The following MALRD1 variants were observed in gnomAD, a reference collection of about 807,000 sequenced individuals.
The protein encoded by MALRD1 is MAM and LDL receptor class A domain containing 1.
MALRD1 carries 247 observed loss-of-function variants against 242.1 expected under a neutral mutation model. That is an observed-to-expected ratio of 1.02 (90% CI 0.92 to 1.13). The LOEUF (loss-of-function observed/expected upper bound fraction) is 1.13, where lower values mean the gene tolerates loss of function less well. Ranked by LOEUF, MALRD1 falls within the 50% of genes most tolerant of loss-of-function variation. MALRD1 has a pLI of 0.00. For missense variants in MALRD1, 2,989 were observed against 2,533.1 expected, an observed-to-expected ratio of 1.18 and a Z score of -3.86; for synonymous variants, 995 against 866.6, an observed-to-expected ratio of 1.15 and a Z score of -2.60.
rs140657055 is a variant in MALRD1 at position 19,122,733 on chromosome 10, AT to A, written c.695-749del. Among the ~76,000 whole-genome samples the A allele has an allele frequency of 6.0e-5, 9 of 150,024 alleles. No homozygotes were observed. In the South Asian group the frequency reaches 6.4e-4, roughly 11 times the overall value. ...AAAAGAAAACAAAAACACAGGCACA[AT>A]TTTTTTTTTGAGATGGAGTCTCACT... On this transcript the variant is annotated intron_variant, in intron 5 of 39. Transcript: ENST00000454679.
chr10:19,661,834 T>C (rs1841454737), intron 36 of MALRD1, among the ~76,000 whole-genome samples: 1 of 152,100 alleles, frequency 6.6e-6, no homozygotes, highest in Non-Finnish European at 1.5e-5. Flanking sequence ...AAGTGACAGA[T>C]GAAAATTAAC....
chr10:19,312,404 GTA>G (rs1290999213), intron 21 of MALRD1, among the ~76,000 whole-genome samples: 74 of 132,666 alleles, frequency 5.6e-4, no homozygotes, highest in African/African-American at 1.6e-3. Flanking sequence ...ATATATATGT[GTA>G]TATGTGTGTG....
intron 24 of MALRD1, among the ~76,000 whole-genome samples, chr10:19,341,086 AT>A (rs201624412): frequency 0.015 from 2,270 of 152,134 alleles, 48 homozygotes; most frequent in African/African-American, 0.043. Flanking sequence ...TTCGATATTA[AT>A]TTTTTAACCA....
intron 21 of MALRD1, among the ~76,000 whole-genome samples, chr10:19,292,513 TGG>T (rs923304250): frequency 6.6e-6 from 1 of 152,214 alleles, no homozygotes; most frequent in Non-Finnish European, 1.5e-5. Context: ...AAATGAGTTA[TGG>T]TCCCCACTGC....
chr10:19,320,041 C>CTTTT (rs34481531), intron 21 of MALRD1, among the ~76,000 whole-genome samples: 86 of 73,064 alleles, frequency 1.2e-3, no homozygotes, highest in Middle Eastern at 0.012. Flanking sequence ...TATAAAACTG[C>CTTTT]TTTTTTTTTT....
intron 24 of MALRD1, among the ~76,000 whole-genome samples, chr10:19,345,535 T>A (rs1395945243): frequency 6.6e-6 from 1 of 152,092 alleles, no homozygotes; most frequent in Admixed American, 6.6e-5. Context: ...TACAAGAGGT[T>A]ATAAGTATTA....
At position 19,171,454 on chromosome 10, in the gene MALRD1, A is replaced by ACACATG. The variant is rs1330404508; in HGVS notation, c.1831-3754_1831-3753insCACATG. ...CATATATATATATATATATATATAT[A>ACACATG]TATACACACATGTATATACACACAC... On this transcript the variant is annotated intron_variant, in intron 13 of 39. Transcript: ENST00000454679. Among the ~76,000 whole-genome samples, 53 of 99,664 alleles carry ACACATG rather than the reference A, an allele frequency of 5.3e-4. 1 individual carries two copies. Among genetic ancestry groups the ACACATG allele is most frequent in the Admixed American group, 1.7e-3 (14 of 8,010 alleles). 65.4% of individuals were successfully genotyped at this position (99,664 alleles called of 152,430 possible). A position where few individuals can be genotyped will look rare whatever the true frequency, so the allele number is the denominator to read the frequency against.
chr10:19,341,096 C>T (rs1452397333), intron 24 of MALRD1, among the ~76,000 whole-genome samples: 1 of 151,880 alleles, frequency 6.6e-6, no homozygotes, highest in Non-Finnish European at 1.5e-5. Flanking sequence ...ATTTTTTAAC[C>T]ATTAGCAATA....
intron 38 of MALRD1, among the ~76,000 whole-genome samples, chr10:19,708,111 C>T (rs1220222397): frequency 2.5e-5 from 3 of 118,260 alleles, no homozygotes; most frequent in African/African-American, 8.0e-5. Context: ...TAGGTGACTG[C>T]ACAGTTGATA....
intron 21 of MALRD1, among the ~76,000 whole-genome samples, chr10:19,313,873 A>G (rs1018103889): frequency 2.0e-5 from 3 of 151,402 alleles, no homozygotes; most frequent in Non-Finnish European, 4.4e-5. Flanking sequence ...TTGTTATTGA[A>G]TTTTTTAGTT....
chr10:19,113,336 A>C (rs561019646), intron 5 of MALRD1, among the ~76,000 whole-genome samples: 8 of 152,302 alleles, frequency 5.3e-5, no homozygotes, highest in Non-Finnish European at 1.2e-4. Flanking sequence ...TACTCTGGTC[A>C]AAACAAATTA....
chr10:19,644,132 T>C (rs1840539574), intron 36 of MALRD1, among the ~76,000 whole-genome samples: 2 of 152,230 alleles, frequency 1.3e-5, no homozygotes, highest in African/African-American at 2.4e-5. Flanking sequence ...TTCCCTTCAA[T>C]GGACTCTCCT....
intron 14 of MALRD1, among the ~76,000 whole-genome samples, chr10:19,194,425 T>C (rs1377570940): frequency 6.6e-6 from 1 of 152,218 alleles, no homozygotes; most frequent in African/African-American, 2.4e-5. Context: ...TCTCTTCTTT[T>C]TCACTGTCAG....
rs149227493 is a variant in MALRD1, at chr10:19,061,712, G to A, written c.200-5007G>A. Among the ~76,000 whole-genome samples the A allele has an allele frequency of 2.2e-3, 340 of 152,244 alleles. 1 individual carries two copies. The highest frequency in any genetic ancestry group is 7.9e-3 in the African/African-American group (328 of 41,562). ...AAGGACAGTCTTTTCAACAAAGGTGGTGGGAAAATTGGGTAGCCACAAGCA... is the reference window on the plus strand; with the variant it reads ...AAGGACAGTCTTTTCAACAAAGGTGATGGGAAAATTGGGTAGCCACAAGCA... On this transcript the variant is annotated intron_variant, in intron 1 of 39. Coordinates refer to ENST00000454679, the MANE Select transcript of MALRD1 (RefSeq NM_001142308.3).
At chr10:19,550,027 A>G (rs566583015) in intron 32 of MALRD1, among the ~76,000 whole-genome samples, 19 of 152,266 alleles carry the variant, frequency 1.2e-4, no homozygotes, top group Non-Finnish European at 2.2e-4. Flanking sequence ...AAAGTATTTC[A>G]TATATATAAA....
intron 18 of MALRD1, among the ~76,000 whole-genome samples, chr10:19,241,059 A>G (rs2499079): frequency 0.89 from 136,103 of 152,106 alleles, 61,190 homozygotes; most frequent in East Asian, 1. Context: ...TTTAGAATCA[A>G]GATATTGCGA....
chr10:19,452,330 T>G (rs368054165), intron 29 of MALRD1, among the ~76,000 whole-genome samples: 90 of 152,236 alleles, frequency 5.9e-4, no homozygotes, highest in African/African-American at 1.7e-3. Context: ...TCTGTGAGAG[T>G]TTACGTGATT....
At chr10:19,049,228 T>A in intron 1 of MALRD1, 91 bp downstream of exon 1, 1 of 967,908 alleles carries the variant, frequency 1.0e-6, no homozygotes, top group Non-Finnish European at 1.3e-6. Context: ...GCTAGATACT[T>A]GGCTCTGTAT....
intron 2 of MALRD1, among the ~76,000 whole-genome samples, chr10:19,083,491 G>C (rs1287538245): frequency 1.3e-5 from 2 of 151,954 alleles, no homozygotes; most frequent in African/African-American, 4.8e-5. Context: ...CACTGCCTCA[G>C]GTGACTATGA....
Sources: allele counts gnomAD v4.1 joint callset (sites outside exome capture counted in the v4.1 genomes callset), GRCh38; gene constraint gnomAD v4.1.1; transcripts MANE v1.5; gene names NCBI Gene and HGNC (gene_info 2026-07-23, HGNC 2026-07-21).